The following ABTB3 variants were observed in gnomAD, a reference collection of about 807,000 sequenced individuals.
The protein encoded by ABTB3 is ankyrin repeat- and BTB/POZ domain-containing protein 3.
the ABTB3 span, among the ~76,000 whole-genome samples, chr12:107,498,841 A>T: frequency 1.3e-5 from 2 of 152,210 alleles, no homozygotes; most frequent in Admixed American, 6.5e-5. Flanking sequence ...GGACTAGGAC[A>T]TGGACATCTT....
At chr12:107,507,747 C>T in the ABTB3 span, among the ~76,000 whole-genome samples, 1 of 152,178 alleles carries the variant, frequency 6.6e-6, no homozygotes, top group Non-Finnish European at 1.5e-5. Flanking sequence ...TCTGTTCCCT[C>T]CAGTTTGGAC....
the ABTB3 span, among the ~76,000 whole-genome samples, chr12:107,624,442 A>T: frequency 6.6e-6 from 1 of 152,152 alleles, no homozygotes; most frequent in Non-Finnish European, 1.5e-5. Context: ...CATGCAGAAA[A>T]TTCCCATCAC....
the ABTB3 span, among the ~76,000 whole-genome samples, chr12:107,321,905 A>G: frequency 1.3e-5 from 2 of 151,830 alleles, no homozygotes; most frequent in East Asian, 3.9e-4. Flanking sequence ...CTCCCTCAGT[A>G]TTTCCTTTGG....
At chr12:107,573,048 A>T in the ABTB3 span, among the ~76,000 whole-genome samples, 1 of 152,198 alleles carries the variant, frequency 6.6e-6, no homozygotes, top group Non-Finnish European at 1.5e-5. Context: ...ATCACTCATA[A>T]GTGGCACTGA....
chr12:107,611,218 C>CT, the ABTB3 span, among the ~76,000 whole-genome samples: 15 of 151,418 alleles, frequency 9.9e-5, no homozygotes, highest in Non-Finnish European at 1.6e-4. Context: ...GTTGAATATT[C>CT]TTTTTTTTTA....
chr12:107,495,680 A>T, the ABTB3 span, among the ~76,000 whole-genome samples: 1 of 152,090 alleles, frequency 6.6e-6, no homozygotes, highest in East Asian at 1.9e-4. Flanking sequence ...TTCTGTATCT[A>T]CAGCTGGTAT....
chr12:107,485,639 C>CA, the ABTB3 span, among the ~76,000 whole-genome samples: 4 of 152,130 alleles, frequency 2.6e-5, no homozygotes, highest in East Asian at 5.8e-4. Context: ...TCTACCAGAC[C>CA]AAAAAAGATA....
At chr12:107,429,504 G>T in the ABTB3 span, among the ~76,000 whole-genome samples, 10 of 152,160 alleles carry the variant, frequency 6.6e-5, no homozygotes, top group South Asian at 2.1e-4. Context: ...GAGCCAAATG[G>T]TTCCTCCCAC....
chr12:107,536,122 A>G, the ABTB3 span, among the ~76,000 whole-genome samples: 1 of 152,180 alleles, frequency 6.6e-6, no homozygotes. Context: ...CAAAGGCACC[A>G]AGAACATATA....
At chr12:107,560,128 A>G in the ABTB3 span, among the ~76,000 whole-genome samples, 1 of 152,222 alleles carries the variant, frequency 6.6e-6, no homozygotes, top group Non-Finnish European at 1.5e-5. Context: ...ATTCATAAAC[A>G]TTCTTAATGA....
chr12:107,331,227 GC>G, the ABTB3 span, among the ~76,000 whole-genome samples: 5 of 152,200 alleles, frequency 3.3e-5, no homozygotes, highest in Non-Finnish European at 7.3e-5. Context: ...TCCTCCCTCA[GC>G]CCCTTTCAGC....
the ABTB3 span, among the ~76,000 whole-genome samples, chr12:107,460,913 G>A: frequency 8.5e-5 from 13 of 152,278 alleles, no homozygotes; most frequent in Non-Finnish European, 1.8e-4. Flanking sequence ...TAGGGGCTGT[G>A]CAGATGTAAT....
At chr12:107,559,326 C>T in the ABTB3 span, among the ~76,000 whole-genome samples, 4 of 151,990 alleles carry the variant, frequency 2.6e-5, no homozygotes, top group African/African-American at 9.7e-5. Context: ...CTCTCATTTG[C>T]CTGGAACTGA....
the ABTB3 span, among the ~76,000 whole-genome samples, chr12:107,571,163 G>A: frequency 6.6e-6 from 1 of 152,180 alleles, no homozygotes; most frequent in Non-Finnish European, 1.5e-5. Flanking sequence ...AGTTTGTTGA[G>A]CATTTACTAT....
At chr12:107,637,628 T>C in the ABTB3 span, among the ~76,000 whole-genome samples, 1 of 152,156 alleles carries the variant, frequency 6.6e-6, no homozygotes, top group African/African-American at 2.4e-5. Flanking sequence ...AGTGGTTCTT[T>C]AGGGACCTGC....
At chr12:107,357,927 A>T in the ABTB3 span, among the ~76,000 whole-genome samples, 1 of 152,216 alleles carries the variant, frequency 6.6e-6, no homozygotes, top group African/African-American at 2.4e-5. Flanking sequence ...CCTTACAACT[A>T]TTAAAAAAAT....
At chr12:107,484,695 CTG>C in the ABTB3 span, among the ~76,000 whole-genome samples, 2 of 151,740 alleles carry the variant, frequency 1.3e-5, no homozygotes, top group African/African-American at 4.8e-5. Context: ...CCGCTCAAGA[CTG>C]TGTCAATAAT....
the ABTB3 span, among the ~76,000 whole-genome samples, chr12:107,416,106 G>A: frequency 2.0e-5 from 3 of 152,224 alleles, no homozygotes; most frequent in Non-Finnish European, 2.9e-5. Context: ...GTCAGGAACC[G>A]CAGAAGGTGA....
At chr12:107,411,816 TCCAGCTGCGG>T in the ABTB3 span, among the ~76,000 whole-genome samples, 95 of 152,274 alleles carry the variant, frequency 6.2e-4, no homozygotes, top group African/African-American at 2.1e-3. Flanking sequence ...CTCTCCAAAT[TCCAGCTGCGG>T]CTTGATCTAT....
Sources: gnomAD v4.1 joint callset for allele counts (sites outside exome capture counted in the v4.1 genomes callset) on GRCh38, gnomAD v4.1.1 for gene constraint, MANE v1.5 for transcripts, NCBI Gene and HGNC (gene_info 2026-07-23, HGNC 2026-07-21) for gene names.